Variants in CHIC1 observed in about 807,000 individuals in gnomAD.
CHIC1 encodes the protein cysteine rich hydrophobic domain 1.
CHIC1 carries 7 observed loss-of-function variants against 18.5 expected under a neutral mutation model. That is an observed-to-expected ratio of 0.38 (90% CI 0.22 to 0.71). CHIC1 has a LOEUF of 0.71. Among genes scored for constraint, CHIC1 ranks in the 30% least tolerant of loss-of-function variants. The pLI is 0.49. For missense variants in CHIC1, 159 were observed against 176.9 expected (o/e 0.90, Z 0.57); for synonymous variants, 77 against 73.5 (o/e 1.05, Z -0.25).
At chrX:73,628,838 C>T (rs764964271) in intron 3 of CHIC1, among the ~76,000 whole-genome samples, 2 of 110,991 alleles carry the variant, frequency 1.8e-5, no homozygotes, top group African/African-American at 3.3e-5. Flanking sequence ...GGGGTGAGGA[C>T]GATTGGTGGA....
intron 3 of CHIC1, among the ~76,000 whole-genome samples, chrX:73,629,047 G>T (rs996725524): frequency 1.8e-5 from 2 of 110,914 alleles, no homozygotes; most frequent in African/African-American, 6.6e-5. Flanking sequence ...ACATCATTGT[G>T]GTGTTGATTT....
intron 3 of CHIC1, among the ~76,000 whole-genome samples, chrX:73,668,786 G>A (rs958467437): frequency 8.9e-6 from 1 of 112,410 alleles, no homozygotes; most frequent in African/African-American, 3.2e-5. Flanking sequence ...GGAGGTGACT[G>A]GAGACCCGTT....
At chrX:73,673,409 C>T (rs1339785065) in intron 3 of CHIC1, among the ~76,000 whole-genome samples, 2 of 111,650 alleles carry the variant, frequency 1.8e-5, no homozygotes, top group Non-Finnish European at 3.8e-5. Flanking sequence ...TTGTTTGTTT[C>T]CTCTTTTATT....
intron 3 of CHIC1, among the ~76,000 whole-genome samples, chrX:73,595,205 G>A (rs972631909): frequency 2.7e-5 from 3 of 110,662 alleles, no homozygotes; most frequent in Non-Finnish European, 3.8e-5. Flanking sequence ...TTAAGTTCTG[G>A]GATACATGTG....
At chrX:73,574,543 A>T (rs2057487346) in intron 1 of CHIC1, among the ~76,000 whole-genome samples, 1 of 110,239 alleles carries the variant, frequency 9.1e-6, no homozygotes, top group Non-Finnish European at 1.9e-5. Context: ...TTTGGTTGTG[A>T]ATCAGTATGG....
intron 1 of CHIC1, among the ~76,000 whole-genome samples, chrX:73,565,955 A>C (rs1338450127): frequency 1.8e-5 from 2 of 110,427 alleles, no homozygotes; most frequent in Non-Finnish European, 3.8e-5. Context: ...CCCTCACCTC[A>C]AACTCAGTAT....
intron 1 of CHIC1, among the ~76,000 whole-genome samples, chrX:73,575,051 T>G (rs1317260162): frequency 9.1e-6 from 1 of 110,132 alleles, no homozygotes; most frequent in Non-Finnish European, 1.9e-5. Flanking sequence ...GATAAATCAG[T>G]TAAACAGTAC....
intron 3 of CHIC1, among the ~76,000 whole-genome samples, chrX:73,629,296 A>G (rs529292398): frequency 1.9e-4 from 21 of 111,177 alleles, no homozygotes; most frequent in African/African-American, 6.9e-4. Flanking sequence ...TTGGCTGTGC[A>G]GAGGCTTTTT....
chrX:73,644,251 T>A (rs2057875141), intron 3 of CHIC1, among the ~76,000 whole-genome samples: 1 of 111,884 alleles, frequency 8.9e-6, no homozygotes, highest in South Asian at 3.7e-4. Context: ...GGAAGTTTTG[T>A]CACAGAGGAG....
chrX:73,604,996 G>C (rs1392037054), intron 3 of CHIC1, among the ~76,000 whole-genome samples: 1 of 108,567 alleles, frequency 9.2e-6, no homozygotes, highest in Non-Finnish European at 1.9e-5. Context: ...GTGGAGAGTT[G>C]TGTAGATGTC....
Position 73,685,117 on chromosome X carries a change from A to G in CHIC1, c.*4112A>G, listed in dbSNP as rs2058115926. ...AATTCTTAGGACATTTTTACTCTAT[A>G]GAATCTCAGAATGATTATTCTCAGA... On this transcript the variant is annotated 3_prime_UTR_variant, in exon 6 of 6. Transcript: ENST00000373502. 1 of 111,713 alleles carries G rather than the reference A, an allele frequency of 9.0e-6. No homozygotes were observed. Among genetic ancestry groups the G allele is most frequent in the Non-Finnish European group, 1.9e-5 (1 of 52,946 alleles). The allele number at this position is 111,713 out of a possible 1,213,427, so 9.2% of individuals were successfully genotyped here.
At chrX:73,634,278 C>T (rs953248553) in intron 3 of CHIC1, among the ~76,000 whole-genome samples, 2 of 112,116 alleles carry the variant, frequency 1.8e-5, no homozygotes, top group African/African-American at 6.5e-5. Flanking sequence ...TTGTTCTGTC[C>T]TAGGGGACAA....
intron 3 of CHIC1, among the ~76,000 whole-genome samples, chrX:73,658,262 T>TG: frequency 1.2e-5 from 1 of 86,892 alleles, no homozygotes; most frequent in Admixed American, 1.3e-4. Flanking sequence ...TTTTTTTTTT[T>TG]TTTTTTTTTT....
At chrX:73,664,884 C>T (rs1370766880) in intron 3 of CHIC1, among the ~76,000 whole-genome samples, 1 of 111,720 alleles carries the variant, frequency 9.0e-6, no homozygotes, top group African/African-American at 3.3e-5. Context: ...TGGCTGGGCT[C>T]CAAAGTTGTT....
intron 3 of CHIC1, among the ~76,000 whole-genome samples, chrX:73,590,248 GTTTT>G (rs1409573450): frequency 9.1e-6 from 1 of 109,906 alleles, no homozygotes; most frequent in African/African-American, 3.3e-5. Context: ...GATACTCTCA[GTTTT>G]TATTTAGGAA....
chrX:73,577,335 C>CT lies in CHIC1; in HGVS notation c.297-64dup, dbSNP rs200590647. ...AAAAGAAAAATGCATGGGTTTATAA[C>CT]TTTTTTTTAAAAAAAAGGGAAGATT... is the stretch of plus-strand genomic sequence containing the variant. On this transcript the variant is annotated intron_variant, in intron 1 of 5. Transcript: ENST00000373502. 5.1e-3 allele frequency: 4,417 copies of CT among 872,419 alleles called. 11 individuals carry two copies. The highest frequency in any genetic ancestry group is 6.2e-3 in the Non-Finnish European group (3,878 of 625,076). 71.9% of individuals were successfully genotyped at this position (872,419 alleles called of 1,213,427 possible).
At chrX:73,569,489 A>G (rs1481108999) in intron 1 of CHIC1, among the ~76,000 whole-genome samples, 1 of 111,773 alleles carries the variant, frequency 8.9e-6, no homozygotes, top group Admixed American at 9.5e-5. Context: ...AGTAGATTGT[A>G]TATTTAATGA....
intron 3 of CHIC1, among the ~76,000 whole-genome samples, chrX:73,618,120 G>T (rs1189970324): frequency 1.8e-5 from 2 of 111,646 alleles, no homozygotes; most frequent in Non-Finnish European, 3.8e-5. Context: ...ACATAGTTCT[G>T]TGACGTGAAC....
chrX:73,615,104 A>T (rs940810047), intron 3 of CHIC1, among the ~76,000 whole-genome samples: 2 of 111,400 alleles, frequency 1.8e-5, no homozygotes, highest in African/African-American at 6.5e-5. Context: ...CTTGATGTAT[A>T]GTCTAGTCTT....
Sources: gnomAD v4.1 joint callset for allele counts (sites outside exome capture counted in the v4.1 genomes callset) on GRCh38, gnomAD v4.1.1 for gene constraint, MANE v1.5 for transcripts, NCBI Gene and HGNC (gene_info 2026-07-23, HGNC 2026-07-21) for gene names.